The following ASIC2 variants were observed in gnomAD, a reference collection of about 807,000 sequenced individuals.
The protein encoded by ASIC2 is acid-sensing ion channel 2.
ASIC2 carries 25 observed loss-of-function variants against 57.3 expected under a neutral mutation model. That is an observed-to-expected ratio of 0.44 (90% CI 0.32 to 0.61). The LOEUF (loss-of-function observed/expected upper bound fraction) is 0.61. Ranked by LOEUF, ASIC2 falls within the 20% of genes least tolerant of loss-of-function variation. The pLI is 0.06. For synonymous variants in ASIC2, 319 were observed against 307.5 expected (o/e 1.04, Z -0.39); for missense variants, 641 against 738.1 (o/e 0.87, Z 1.52).
At chr17:33,930,206 T>C (rs1187113659) in intron 1 of ASIC2, among the ~76,000 whole-genome samples, 2 of 152,230 alleles carry the variant, frequency 1.3e-5, no homozygotes, top group Non-Finnish European at 2.9e-5. Context: ...CGGGACTCTA[T>C]CACTTACGGG....
Position 33,292,105 on chromosome 17 carries a change from A to G in ASIC2, c.11T>C (p.Ile4Thr), listed in dbSNP as rs113208627. MSR[I>T]GGAGLPAAAL... ...GGCTGCGGGCAGCCCGGCTCCGCCA[A>G]TCCGGCTCATTCATTCAGCCCGCGG... The change falls in exon 1 of 10, where the codon ATT becomes ACT. Residue 4 changes from isoleucine to threonine, a missense_variant. This residue lies in a region of ASIC2 where 382 missense variants were observed against 398.0 expected (regional missense o/e 0.96). Coordinates refer to ENST00000225823, the MANE Select transcript of ASIC2 (RefSeq NM_183377.2). The G allele has an allele frequency of 6.7e-6, 7 of 1,044,370 alleles. No individual in the cohort carries two copies. Among genetic ancestry groups the G allele is most frequent in the South Asian group, 4.5e-5 (1 of 22,440 alleles). The allele number at this position is 1,044,370 out of a possible 1,614,324, so 64.7% of individuals were successfully genotyped here. A position where few individuals can be genotyped will look rare whatever the true frequency, so the allele number is the denominator to read the frequency against.
intron 1 of ASIC2, among the ~76,000 whole-genome samples, chr17:33,377,183 TG>T (rs1336523055): frequency 6.6e-6 from 1 of 152,250 alleles, no homozygotes; most frequent in African/African-American, 2.4e-5. Flanking sequence ...CCTGAGTAGC[TG>T]GGACTACAGA....
rs184079168 is a variant in ASIC2, at chr17:33,905,331, G to A, written c.555+250647C>T. The stretch of plus-strand genomic sequence containing the variant: ...ACCAGAGCATTGAGACACACAGACC[G>A]GCTCTAGTTCAGACCCAGGACAGAC... On this transcript the variant is annotated intron_variant, in intron 1 of 9. Coordinates refer to the ASIC2 transcript ENST00000359872. Among the ~76,000 whole-genome samples the A allele has an allele frequency of 2.8e-3, 419 of 152,044 alleles. 5 individuals are homozygous for A. The highest frequency in any genetic ancestry group is 9.7e-3 in the African/African-American group (403 of 41,464).
intron 1 of ASIC2, among the ~76,000 whole-genome samples, chr17:33,343,113 G>T (rs563247932): frequency 9.2e-5 from 14 of 152,290 alleles, no homozygotes; most frequent in African/African-American, 2.9e-4. Flanking sequence ...ATTGTAGCAG[G>T]AGAGAGGCAA....
intron 2 of ASIC2, among the ~76,000 whole-genome samples, chr17:33,104,625 T>G (rs1044088581): frequency 6.6e-6 from 1 of 152,252 alleles, no homozygotes; most frequent in Admixed American, 6.5e-5. Context: ...ATAATGATTC[T>G]GCTCCTGAAG....
At chr17:34,050,367 T>C (rs879308195) in intron 1 of ASIC2, among the ~76,000 whole-genome samples, 41 of 152,198 alleles carry the variant, frequency 2.7e-4, no homozygotes, top group Non-Finnish European at 2.4e-4. Flanking sequence ...TGCAGATACA[T>C]TGAGGTGGCA....
chr17:33,654,590 T>C (rs556168866), intron 1 of ASIC2, among the ~76,000 whole-genome samples: 3 of 152,398 alleles, frequency 2.0e-5, no homozygotes, highest in Admixed American at 1.3e-4. Context: ...ACATTATTTA[T>C]AGACACCATT....
chr17:33,669,611 C>T (rs936521113), intron 1 of ASIC2, among the ~76,000 whole-genome samples: 1 of 152,168 alleles, frequency 6.6e-6, no homozygotes, highest in East Asian at 1.9e-4. Flanking sequence ...CTTGTGTTAA[C>T]CCCCTGCCCC....
chr17:33,737,806 A>G (rs534641195), intron 1 of ASIC2, among the ~76,000 whole-genome samples: 2 of 152,350 alleles, frequency 1.3e-5, no homozygotes, highest in South Asian at 2.1e-4. Flanking sequence ...TTGAATATGC[A>G]CAAAAGCCCC....
chr17:33,697,781 A>G (rs1198483245), intron 1 of ASIC2, among the ~76,000 whole-genome samples: 1 of 152,210 alleles, frequency 6.6e-6, no homozygotes, highest in Non-Finnish European at 1.5e-5. Flanking sequence ...AGTGGCACCA[A>G]CTATATGTAT....
intron 1 of ASIC2, among the ~76,000 whole-genome samples, chr17:33,552,359 T>A (rs1412883667): frequency 6.6e-6 from 1 of 152,130 alleles, no homozygotes; most frequent in Admixed American, 6.5e-5. Context: ...TGGAGGGTGG[T>A]CAAACTGATA....
At chr17:33,015,190 G>A (rs1052567407) in intron 9 of ASIC2, among the ~76,000 whole-genome samples, 1 of 152,220 alleles carries the variant, frequency 6.6e-6, no homozygotes, top group Admixed American at 6.5e-5. Context: ...TAAGTGGGTG[G>A]TGGTCACTCA....
chr17:33,247,992 T>C (rs1024138584), intron 1 of ASIC2, among the ~76,000 whole-genome samples: 1 of 152,084 alleles, frequency 6.6e-6, no homozygotes, highest in African/African-American at 2.4e-5. Context: ...GAACACAATA[T>C]AGCATGTTCG....
At chr17:33,418,955 G>T (rs922254620) in intron 1 of ASIC2, among the ~76,000 whole-genome samples, 1 of 151,808 alleles carries the variant, frequency 6.6e-6, no homozygotes, top group African/African-American at 2.4e-5. Context: ...GCCTGTCAGG[G>T]GTGGGGGGCT....
chr17:33,194,279 G>T (rs899916858), intron 1 of ASIC2, among the ~76,000 whole-genome samples: 61 of 152,290 alleles, frequency 4.0e-4, no homozygotes, highest in Non-Finnish European at 3.1e-4. Context: ...TGACCAAGAG[G>T]CCATTGCTGA....
chr17:33,173,853 A>T (rs1905626427), intron 1 of ASIC2, among the ~76,000 whole-genome samples: 2 of 152,206 alleles, frequency 1.3e-5, no homozygotes, highest in African/African-American at 4.8e-5. Flanking sequence ...GTAAGGACAC[A>T]ATCGAAGTGA....
intron 1 of ASIC2, among the ~76,000 whole-genome samples, chr17:33,124,360 G>A (rs117899464): frequency 0.01 from 1,571 of 152,284 alleles, 22 homozygotes; most frequent in Non-Finnish European, 0.015. Flanking sequence ...GGGCCTGGCT[G>A]GGAGATACAC....
At chr17:33,812,383 C>A (rs933945383) in intron 1 of ASIC2, among the ~76,000 whole-genome samples, 1 of 152,194 alleles carries the variant, frequency 6.6e-6, no homozygotes, top group Admixed American at 6.5e-5. Context: ...GAAGCTTTAT[C>A]ATTGTCATTT....
At chr17:33,480,822 A>T (rs1335300989) in intron 1 of ASIC2, among the ~76,000 whole-genome samples, 2 of 152,064 alleles carry the variant, frequency 1.3e-5, no homozygotes, top group Non-Finnish European at 2.9e-5. Flanking sequence ...CACACCTTGG[A>T]CCTGACCATC....
Sources: allele counts gnomAD v4.1 joint callset (sites outside exome capture counted in the v4.1 genomes callset), GRCh38; gene constraint gnomAD v4.1.1; regional missense constraint gnomAD v4.1.1; transcripts MANE v1.5; gene names NCBI Gene and HGNC (gene_info 2026-07-23, HGNC 2026-07-21).